The following KIF13A variants were observed in gnomAD, a reference collection of about 807,000 sequenced individuals.
KIF13A encodes kinesin-like protein KIF13A.
KIF13A carries 79 observed loss-of-function variants against 212.2 expected under a neutral mutation model. The observed-to-expected ratio is 0.37, with a 90% CI of 0.31 to 0.45. The LOEUF is 0.45. Ranked by LOEUF, KIF13A falls within the 20% of genes least tolerant of loss-of-function variation. The pLI is 1.00. For missense variants in KIF13A, 1,901 were observed against 2,209.0 expected, an observed-to-expected ratio of 0.86 and a Z score of 2.79; for synonymous variants, 789 against 808.6, an observed-to-expected ratio of 0.98 and a Z score of 0.41.
Position 17,769,542 on chromosome 6 carries a change from A to G in KIF13A, c.4581+1572T>C, listed in dbSNP as rs1466106685. 6.6e-6 allele frequency among the ~76,000 whole-genome samples: 1 copy of G among 152,172 alleles called. No homozygotes were observed. The highest frequency in any genetic ancestry group is 2.4e-5 in the African/African-American group (1 of 41,444). ...GAGATGGGTTTTATTTTAAAATATT[A>G]AAGAGAAAGTGAAGAAAACACGAGC... On this transcript the variant is annotated intron_variant, in intron 38 of 38. Transcript: ENST00000259711. This position sits in a 1 kb window ranked among gnomAD's most constrained non-coding sequence, Gnocchi z 5.8.
chr6:17,789,521 AAATT>A lies in KIF13A; in HGVS notation c.3261+347_3261+350del, dbSNP rs1269181787. Among the ~76,000 whole-genome samples the A allele has an allele frequency of 1.3e-5, 2 of 152,212 alleles. No individual in the cohort carries two copies. The highest frequency in any genetic ancestry group is 2.4e-5 in the African/African-American group (1 of 41,452). ...AATATTTTAAGATCATCCATTTTTT[AAATT>A]AATTAATTAGTTAATTAATTTGCAG... is the stretch of plus-strand genomic sequence containing the variant. On this transcript the variant is annotated intron_variant, in intron 26 of 38. Transcript: ENST00000259711. The surrounding 1 kb of genome is among the most constrained non-coding windows in gnomAD (Gnocchi z 4.8).
chr6:17,822,039 A>ACAT, intron 16 of KIF13A: 1 of 692,418 alleles, frequency 1.4e-6, no homozygotes, highest in Non-Finnish European at 2.1e-6. Flanking sequence ...GGGAAACATA[A>ACAT]CTTCTTTTTT....
At chr6:17,788,370 A>G (rs554257425) in intron 26 of KIF13A, among the ~76,000 whole-genome samples, 5 of 152,314 alleles carry the variant, frequency 3.3e-5, no homozygotes, top group African/African-American at 1.2e-4. Flanking sequence ...CAAACTTGCC[A>G]CAAACATTTT....
intron 2 of KIF13A, among the ~76,000 whole-genome samples, chr6:17,972,890 AAC>A (rs913837046): frequency 3.9e-5 from 6 of 152,070 alleles, no homozygotes; most frequent in Admixed American, 2.0e-4. Context: ...GGGAACTACA[AAC>A]AGAGGTTTCC....
At chr6:17,893,414 A>G (rs1003454668) in intron 3 of KIF13A, among the ~76,000 whole-genome samples, 2 of 152,164 alleles carry the variant, frequency 1.3e-5, no homozygotes, top group African/African-American at 4.8e-5. Flanking sequence ...TTATTTTTGA[A>G]TTGTTTATTG....
In KIF13A at chr6:17,987,487, TCG is replaced by T; in HGVS notation, c.-26_-25del. ...ATGTTGGCTGCGCTCGCCCGGCCGC[TCG>T]CCGCGCCCGCTCGGCCTTAGGCGGC... On this transcript the variant is annotated 5_prime_UTR_variant, in exon 1 of 39. Coordinates refer to ENST00000259711, the MANE Select transcript of KIF13A (RefSeq NM_022113.6). This position sits in a 1 kb window ranked among gnomAD's most constrained non-coding sequence, Gnocchi z 7.7. 1 of 1,256,332 alleles carries T rather than the reference TCG, an allele frequency of 8.0e-7. No individual in the cohort carries two copies. Among genetic ancestry groups the T allele is most frequent in the Non-Finnish European group, 1.0e-6 (1 of 966,718 alleles). 77.8% of individuals were successfully genotyped at this position (1,256,332 alleles called of 1,614,324 possible).
chr6:17,904,898 A>T (rs1378183149), intron 2 of KIF13A, among the ~76,000 whole-genome samples: 1 of 152,238 alleles, frequency 6.6e-6, no homozygotes, highest in Non-Finnish European at 1.5e-5. Context: ...TGAAAGATAT[A>T]CAGTTAAATA....
chr6:17,917,933 C>T (rs1581727404), intron 2 of KIF13A, among the ~76,000 whole-genome samples: 1 of 152,208 alleles, frequency 6.6e-6, no homozygotes, highest in East Asian at 1.9e-4. Context: ...CAAGCTACTG[C>T]CCCCTCTGCC....
In KIF13A at chr6:17,967,792, G is replaced by A. The variant is rs931547835; in HGVS notation, c.146+19262C>T. Among the ~76,000 whole-genome samples, 17 of 152,274 alleles carry A rather than the reference G, an allele frequency of 1.1e-4. No homozygotes were observed. Among genetic ancestry groups the A allele is most frequent in the African/African-American group, 2.9e-4 (12 of 41,570 alleles). On this transcript the variant is annotated intron_variant, in intron 2 of 38. Coordinates refer to ENST00000259711, the MANE Select transcript of KIF13A (RefSeq NM_022113.6). This position sits in a 1 kb window ranked among gnomAD's most constrained non-coding sequence, Gnocchi z 4.1. ...AGGCTCAACCATGGGACTAGGACCC[G>A]CTGATGTTTGACAATCACTGTGAGA...
At chr6:17,933,506 A>C (rs1776190177) in intron 2 of KIF13A, among the ~76,000 whole-genome samples, 1 of 151,712 alleles carries the variant, frequency 6.6e-6, no homozygotes, top group African/African-American at 2.4e-5. Flanking sequence ...GGCCTCCCAA[A>C]GTGCTGGGAT....
intron 2 of KIF13A, among the ~76,000 whole-genome samples, chr6:17,970,373 G>A (rs541750663): frequency 1.5e-4 from 8 of 54,726 alleles, no homozygotes; most frequent in African/African-American, 5.8e-4. Flanking sequence ...AGGCCAAGGC[G>A]GTGGGGATCA....
chr6:17,879,735 T>C (rs545982706), intron 3 of KIF13A, among the ~76,000 whole-genome samples: 136 of 152,348 alleles, frequency 8.9e-4, no homozygotes, highest in African/African-American at 3.1e-3. Context: ...ACATTTCCCT[T>C]GCAATCTCTT....
chr6:17,869,023 CAAAT>C (rs1450754543), intron 4 of KIF13A, among the ~76,000 whole-genome samples: 1 of 71,988 alleles, frequency 1.4e-5, no homozygotes, highest in Non-Finnish European at 2.9e-5. Context: ...AAAAAAAACA[CAAAT>C]AAATAAAATG....
rs191263893 is a variant in KIF13A at position 17,826,228 on chromosome 6, T to C, written c.1533-104A>G. 2 of 781,720 alleles carry C rather than the reference T, an allele frequency of 2.6e-6. No individual in the cohort carries two copies. The highest frequency in any genetic ancestry group is 3.5e-5 in the African/African-American group (2 of 57,608). 48.4% of individuals were successfully genotyped at this position (781,720 alleles called of 1,614,324 possible). The stretch of plus-strand genomic sequence containing the variant: ...GGGGAGCTTTCTCTTAATAAATGCA[T>C]TCCAACTAACGCTTAAAGAAGGAAG... On this transcript the variant is annotated intron_variant, in intron 14 of 38. Coordinates refer to ENST00000259711, the MANE Select transcript of KIF13A (RefSeq NM_022113.6). This position sits in a 1 kb window ranked among gnomAD's most constrained non-coding sequence, Gnocchi z 4.7.
rs988090038 is a variant in KIF13A at position 17,899,514 on chromosome 6, T to C, written c.147-1334A>G. 1.3e-5 allele frequency among the ~76,000 whole-genome samples: 2 copies of C among 152,104 alleles called. No homozygotes were observed. Among genetic ancestry groups the C allele is most frequent in the African/African-American group, 4.8e-5 (2 of 41,416 alleles). On this transcript the variant is annotated intron_variant, in intron 2 of 38. Coordinates refer to ENST00000259711, the MANE Select transcript of KIF13A (RefSeq NM_022113.6). The surrounding 1 kb of genome is among the most constrained non-coding windows in gnomAD (Gnocchi z 5.2). ...GACTCGAACAAAACTGAGAGCTCAG[T>C]AGCAGGGAAAAAAAATGTCCAATCA... is the stretch of plus-strand genomic sequence containing the variant.
intron 2 of KIF13A, among the ~76,000 whole-genome samples, chr6:17,941,848 C>T (rs1776982727): frequency 6.7e-6 from 1 of 150,106 alleles, no homozygotes; most frequent in Admixed American, 6.6e-5. Context: ...TCTGAACTTT[C>T]CTTCAGAAAA....
At chr6:17,836,646 T>C (rs1428552663) in intron 11 of KIF13A, among the ~76,000 whole-genome samples, 3 of 152,170 alleles carry the variant, frequency 2.0e-5, no homozygotes, top group Non-Finnish European at 4.4e-5. Context: ...ACAGGCTGTA[T>C]GAGAACTCAC....
Position 17,818,499 on chromosome 6 carries a change from G to T in KIF13A, c.1787-1266C>A, listed in dbSNP as rs575078301. Reference sequence around the variant, plus strand: ...AAAGTTAAATAATTCAAAACAAAAAGAATCAATTTTTTTAAAATCACAAGA... The same window carrying T: ...AAAGTTAAATAATTCAAAACAAAAATAATCAATTTTTTTAAAATCACAAGA... On this transcript the variant is annotated intron_variant, in intron 16 of 38. Transcript: ENST00000259711. Among the ~76,000 whole-genome samples the T allele has an allele frequency of 5.9e-5, 9 of 152,236 alleles. No homozygotes were observed. In the South Asian group the frequency reaches 1.9e-3, roughly 32 times the overall value.
At chr6:17,937,631 C>T (rs1351166347) in intron 2 of KIF13A, among the ~76,000 whole-genome samples, 1 of 152,104 alleles carries the variant, frequency 6.6e-6, no homozygotes, top group Admixed American at 6.5e-5. Flanking sequence ...TGGGAATCTG[C>T]ATCTCAAGCA....
Sources: allele counts gnomAD v4.1 joint callset (sites outside exome capture counted in the v4.1 genomes callset), GRCh38; gene constraint gnomAD v4.1.1; non-coding constraint Gnocchi (gnomAD v3.1); transcripts MANE v1.5; gene names NCBI Gene and HGNC (gene_info 2026-07-23, HGNC 2026-07-21).